SLC35F3: variants seen among roughly 807,000 people sequenced by gnomAD.
SLC35F3 encodes the protein solute carrier family 35 member F3, also known as putative thiamine transporter SLC35F3.
SLC35F3 carries 25 observed loss-of-function variants against 49.9 expected under a neutral mutation model. That is an observed-to-expected ratio of 0.50 (90% CI 0.37 to 0.70). The LOEUF (loss-of-function observed/expected upper bound fraction) is 0.70. Ranked by LOEUF, SLC35F3 falls within the 30% of genes least tolerant of loss-of-function variation. The pLI is 0.00. For missense variants in SLC35F3, 525 were observed against 639.8 expected, an observed-to-expected ratio of 0.82 and a Z score of 1.94; for synonymous variants, 275 against 265.4, an observed-to-expected ratio of 1.04 and a Z score of -0.35.
intron 2 of SLC35F3, among the ~76,000 whole-genome samples, chr1:234,227,041 C>T (rs953572319): frequency 3.9e-5 from 6 of 152,094 alleles, no homozygotes; most frequent in African/African-American, 1.4e-4. Flanking sequence ...GCCTGTCCTC[C>T]AGCATTTATG....
At chr1:234,105,944 G>A (rs756256632) in intron 2 of SLC35F3, among the ~76,000 whole-genome samples, 47 of 152,146 alleles carry the variant, frequency 3.1e-4, no homozygotes, top group Non-Finnish European at 5.1e-4. Context: ...TATCAGCCAC[G>A]TTCCAGTTAG....
In SLC35F3 at chr1:234,188,826, A is replaced by G. The variant is rs145459169; in HGVS notation, c.284-42591A>G. ...ACTCCCCTGCCACCGCCACTGGAGC[A>G]AGTGCTGGTATCCATGGCTGAGAGA... On this transcript the variant is annotated intron_variant, in intron 2 of 7. Transcript: ENST00000366618. Among the ~76,000 whole-genome samples the G allele has an allele frequency of 6.0e-3, 920 of 152,334 alleles. 7 individuals carry two copies. The highest frequency in any genetic ancestry group is 0.031 in the South Asian group (147 of 4,818).
At chr1:234,040,367 A>G (rs1197305712) in intron 2 of SLC35F3, among the ~76,000 whole-genome samples, 1 of 152,196 alleles carries the variant, frequency 6.6e-6, no homozygotes, top group African/African-American at 2.4e-5. Context: ...ACGTTATTCA[A>G]AAGGAACCAA....
chr1:234,229,741 A>G (rs181669848), intron 2 of SLC35F3, among the ~76,000 whole-genome samples: 2 of 152,286 alleles, frequency 1.3e-5, no homozygotes, highest in East Asian at 3.9e-4. Context: ...ACTCCTTGCA[A>G]ATTATCCCGA....
At chr1:234,112,722 A>ATTTTTT (rs1157248348) in intron 2 of SLC35F3, among the ~76,000 whole-genome samples, 1 of 33,538 alleles carries the variant, frequency 3.0e-5, no homozygotes, top group African/African-American at 1.3e-4. Context: ...TGCCCAGCTA[A>ATTTTTT]TTTTTTTTTT....
intron 2 of SLC35F3, among the ~76,000 whole-genome samples, chr1:234,099,903 G>A (rs1408742982): frequency 6.6e-6 from 1 of 152,210 alleles, no homozygotes; most frequent in Non-Finnish European, 1.5e-5. Context: ...TATTTGCTAA[G>A]TGCACAGAGC....
At chr1:234,108,363 T>TGATATATATTATTTATATATATAAAA (rs1665323585) in intron 2 of SLC35F3, among the ~76,000 whole-genome samples, 1 of 104,186 alleles carries the variant, frequency 9.6e-6, no homozygotes, top group Non-Finnish European at 1.9e-5. Context: ...TTTATATATA[T>TGATATATATTATTTATATATATAAAA]GATATATATT....
At chr1:234,067,860 G>C (rs1664645844) in intron 2 of SLC35F3, among the ~76,000 whole-genome samples, 1 of 152,224 alleles carries the variant, frequency 6.6e-6, no homozygotes. Context: ...CATGGTGGTG[G>C]TGATTTGTTA....
At chr1:234,030,537 C>A (rs1046330231) in intron 2 of SLC35F3, among the ~76,000 whole-genome samples, 1 of 152,050 alleles carries the variant, frequency 6.6e-6, no homozygotes. Flanking sequence ...TTTTACATTC[C>A]CCTGAGAAAG....
At chr1:233,964,790 C>T (rs761180886) in intron 2 of SLC35F3, among the ~76,000 whole-genome samples, 15 of 152,188 alleles carry the variant, frequency 9.9e-5, no homozygotes, top group Non-Finnish European at 1.9e-4. Flanking sequence ...CCTTTGAGGG[C>T]TGTGCCATCC....
chr1:233,968,881 A>G lies in SLC35F3; in HGVS notation c.283+63123A>G, dbSNP rs1662945022. ...CTGTCTTTATGATCATGTATACTTA[A>G]TGTTTACCTCCCACTTATAAGTGAG... On this transcript the variant is annotated intron_variant, in intron 2 of 7. Coordinates refer to ENST00000366618, the MANE Select transcript of SLC35F3 (RefSeq NM_173508.4). Among the ~76,000 whole-genome samples the G allele has an allele frequency of 3.3e-5, 5 of 152,160 alleles. No homozygotes were observed. In the South Asian group the frequency reaches 1.0e-3, roughly 32 times the overall value.
At chr1:233,944,017 A>G (rs1662473133) in intron 2 of SLC35F3, among the ~76,000 whole-genome samples, 1 of 152,244 alleles carries the variant, frequency 6.6e-6, no homozygotes, top group African/African-American at 2.4e-5. Flanking sequence ...ACGTACCAGA[A>G]TCTCTGGGAC....
At position 234,121,902 on chromosome 1, in the gene SLC35F3, T is replaced by G. The variant is rs1036809647; in HGVS notation, c.284-109515T>G. Among the ~76,000 whole-genome samples the G allele has an allele frequency of 2.6e-5, 4 of 152,214 alleles. No individual in the cohort carries two copies. The East Asian group carries it at 7.7e-4, about 29-fold the overall frequency. Reference sequence around the variant, plus strand: ...TACAAAGGACATGAACTCATCCTTTTTTATGGCTGAATAGTATTCCATGGT... The same window carrying G: ...TACAAAGGACATGAACTCATCCTTTGTTATGGCTGAATAGTATTCCATGGT... On this transcript the variant is annotated intron_variant, in intron 2 of 7. Transcript: ENST00000366618.
At chr1:234,135,574 G>A (rs1486823975) in intron 2 of SLC35F3, among the ~76,000 whole-genome samples, 2 of 152,188 alleles carry the variant, frequency 1.3e-5, no homozygotes, top group Non-Finnish European at 1.5e-5. Context: ...AGTAAAATCA[G>A]CAAAGGGAAG....
intron 2 of SLC35F3, among the ~76,000 whole-genome samples, chr1:233,992,113 G>A (rs1048061064): frequency 1.3e-5 from 2 of 152,174 alleles, no homozygotes; most frequent in African/African-American, 2.4e-5. Flanking sequence ...AATCCCAGAC[G>A]GCCGTGGTGC....
chr1:234,066,831 CACACACACACA>C (rs1212476726), intron 2 of SLC35F3, among the ~76,000 whole-genome samples: 1 of 6,896 alleles, frequency 1.5e-4, no homozygotes, highest in African/African-American at 3.7e-4. Flanking sequence ...CTCTCTCTCC[CACACACACACA>C]CACACACACA....
intron 2 of SLC35F3, among the ~76,000 whole-genome samples, chr1:234,142,208 G>T (rs1417387044): frequency 6.6e-6 from 1 of 152,198 alleles, no homozygotes; most frequent in Non-Finnish European, 1.5e-5. Flanking sequence ...TAACACTTCT[G>T]TTCTTGCAGA....
intron 2 of SLC35F3, among the ~76,000 whole-genome samples, chr1:234,201,541 G>A (rs1205698259): frequency 6.6e-6 from 1 of 152,152 alleles, no homozygotes; most frequent in Admixed American, 6.5e-5. Flanking sequence ...GATGTATTAG[G>A]TTGCTACAAA....
At chr1:233,949,589 T>G (rs1662569854) in intron 2 of SLC35F3, among the ~76,000 whole-genome samples, 2 of 152,126 alleles carry the variant, frequency 1.3e-5, no homozygotes, top group South Asian at 4.1e-4. Context: ...AGTGAGAATT[T>G]CCCCAGGACC....
Sources: gnomAD v4.1 joint callset for allele counts (sites outside exome capture counted in the v4.1 genomes callset) on GRCh38, gnomAD v4.1.1 for gene constraint, MANE v1.5 for transcripts, NCBI Gene and HGNC (gene_info 2026-07-23, HGNC 2026-07-21) for gene names.